The following FAM222B variants were observed in gnomAD, a reference collection of about 807,000 sequenced individuals.
FAM222B encodes protein FAM222B.
A neutral mutation model predicts 38.0 loss-of-function variants in FAM222B; 12 were observed. The ratio of observed to expected loss-of-function variants is 0.32; its 90% CI spans 0.20 to 0.51. The LOEUF (loss-of-function observed/expected upper bound fraction) is 0.51, where lower values mean the gene tolerates loss of function less well. Among genes scored for constraint, FAM222B ranks in the 20% least tolerant of loss-of-function variants. FAM222B has a pLI of 0.97. For missense variants in FAM222B, 716 were observed against 754.2 expected (o/e 0.95, Z 0.59); for synonymous variants, 329 against 317.2 (o/e 1.04, Z -0.40).
chr17:28,778,059 A>C (rs2035974845), intron 1 of FAM222B, among the ~76,000 whole-genome samples: 1 of 146,312 alleles, frequency 6.8e-6, no homozygotes, highest in Non-Finnish European at 1.5e-5. Flanking sequence ...CACTGTATTG[A>C]AAAGTATTAT....
At chr17:28,809,728 C>G (rs371649531) in intron 1 of FAM222B, among the ~76,000 whole-genome samples, 1 of 152,126 alleles carries the variant, frequency 6.6e-6, no homozygotes, top group East Asian at 1.9e-4. Context: ...TTAATCCCAA[C>G]ACTTTGGGAG....
chr17:28,818,179 A>C (rs976572860), intron 1 of FAM222B, among the ~76,000 whole-genome samples: 1 of 151,836 alleles, frequency 6.6e-6, no homozygotes, highest in East Asian at 1.9e-4. Context: ...ATAGTGAGCT[A>C]TGATCGTGCC....
At chr17:28,807,120 A>T (rs2151915223) in intron 1 of FAM222B, among the ~76,000 whole-genome samples, 1 of 151,458 alleles carries the variant, frequency 6.6e-6, no homozygotes, top group South Asian at 2.1e-4. Flanking sequence ...GGTTCAAGCG[A>T]TTCTCCTGCC....
intron 1 of FAM222B, among the ~76,000 whole-genome samples, chr17:28,852,058 A>AT (rs1015064950): frequency 6.6e-6 from 1 of 150,904 alleles, no homozygotes; most frequent in Non-Finnish European, 1.5e-5. Flanking sequence ...GCTCAAAAAA[A>AT]TTTTTTTTTA....
At chr17:28,825,053 T>A (rs1160259365) in intron 1 of FAM222B, among the ~76,000 whole-genome samples, 3 of 151,546 alleles carry the variant, frequency 2.0e-5, no homozygotes, top group Non-Finnish European at 4.4e-5. Context: ...CGTGAACCAC[T>A]GTGCCCGCAC....
At chr17:28,773,201 T>C (rs1240191203) in intron 1 of FAM222B, among the ~76,000 whole-genome samples, 2 of 151,562 alleles carry the variant, frequency 1.3e-5, no homozygotes, top group African/African-American at 4.9e-5. Context: ...CCAGGGCAGG[T>C]GCGGTGGCTC....
At chr17:28,785,911 T>C (rs1403505086) in intron 1 of FAM222B, among the ~76,000 whole-genome samples, 5 of 152,186 alleles carry the variant, frequency 3.3e-5, no homozygotes, top group South Asian at 2.1e-4. Flanking sequence ...GGTTTCACCA[T>C]GTTAGCCAGG....
Position 28,757,329 on chromosome 17 carries a change from T to TA in FAM222B, c.*940dup, listed in dbSNP as rs1253869710. ...ATACAGAAACGTAACGTTTAAAACT[T>TA]ACAGTGTAGAGCAATATTCTTAGCC... On this transcript the variant is annotated 3_prime_UTR_variant, in exon 3 of 3. Coordinates refer to ENST00000581407, the MANE Select transcript of FAM222B (RefSeq NM_001077498.3). 1.3e-5 allele frequency: 2 copies of TA among 152,472 alleles called. No homozygotes were observed. The highest frequency in any genetic ancestry group is 4.8e-5 in the African/African-American group (2 of 41,384). 9.4% of individuals were successfully genotyped at this position (152,472 alleles called of 1,614,324 possible). A position where few individuals can be genotyped will look rare whatever the true frequency, so the allele number is the denominator to read the frequency against.
intron 1 of FAM222B, among the ~76,000 whole-genome samples, chr17:28,798,773 A>G (rs1193881999): frequency 6.8e-6 from 1 of 147,358 alleles, no homozygotes; most frequent in African/African-American, 2.5e-5. Flanking sequence ...TAGCGCCACT[A>G]TGCCCGGCTA....
chr17:28,847,312 G>T (rs1171588157), upstream of FAM222B, among the ~76,000 whole-genome samples: 2 of 151,976 alleles, frequency 1.3e-5, no homozygotes, highest in Non-Finnish European at 2.9e-5. Flanking sequence ...ATAGTGTAGT[G>T]GGCCGTGCGT....
At chr17:28,812,345 G>A (rs1270196559) in intron 1 of FAM222B, 1 of 152,316 alleles carries the variant, frequency 6.6e-6, no homozygotes, top group African/African-American at 2.4e-5. Context: ...TAGCGGTCTA[G>A]GCAGGGGGAG....
intron 1 of FAM222B, among the ~76,000 whole-genome samples, chr17:28,804,430 G>T (rs1020919448): frequency 3.3e-5 from 5 of 152,030 alleles, no homozygotes; most frequent in Admixed American, 6.5e-5. Context: ...CACCTCTCGG[G>T]TTCAAGCGAT....
chr17:28,793,923 A>G (rs1283689754), intron 1 of FAM222B, among the ~76,000 whole-genome samples: 1 of 151,368 alleles, frequency 6.6e-6, no homozygotes, highest in Non-Finnish European at 1.5e-5. Flanking sequence ...TTTTTTTTGC[A>G]TTTTTAGTAG....
chr17:28,840,392 A>G (rs1186358322), intron 1 of FAM222B, among the ~76,000 whole-genome samples: 1 of 151,702 alleles, frequency 6.6e-6, no homozygotes, highest in Non-Finnish European at 1.5e-5. Flanking sequence ...AAAAGAACCC[A>G]TTTTCTCTTT....
chr17:28,820,096 G>A (rs1227324727), intron 1 of FAM222B, among the ~76,000 whole-genome samples: 1 of 152,162 alleles, frequency 6.6e-6, no homozygotes, highest in East Asian at 1.9e-4. Context: ...GCAACACACA[G>A]GTCCCTATAC....
In FAM222B at chr17:28,758,980, T is replaced by C. The variant is rs199717133; in HGVS notation, c.979A>G (p.Met327Val). 2.3e-3 allele frequency: 3,754 copies of C among 1,612,018 alleles called. 6 individuals are homozygous for C. The highest frequency in any genetic ancestry group is 8.3e-3 in the Middle Eastern group (50 of 6,060). ...TPMPSCVVNP[M>V]EHTHAATAAL... ...GCGGTGGCCGCGTGGGTGTGCTCCATGGGATTGACCACACATGAAGGCATT... is the reference window on the plus strand; with the variant it reads ...GCGGTGGCCGCGTGGGTGTGCTCCACGGGATTGACCACACATGAAGGCATT... The change falls in exon 3 of 3, where the codon ATG (methionine) becomes GTG (valine). Residue 327 changes from methionine (M) to valine (V), a missense_variant. Met to Val is a conservative substitution (Grantham distance 21). Coordinates refer to ENST00000581407, the MANE Select transcript of FAM222B (RefSeq NM_001077498.3).
chr17:28,758,580 G>A lies in FAM222B; in HGVS notation c.1379C>T (p.Thr460Ile). Residue 460 changes from threonine (T) to isoleucine (I), a missense_variant, in exon 3 of 3, where the codon ACT (threonine) becomes ATT (isoleucine). Coordinates refer to ENST00000581407, the MANE Select transcript of FAM222B (RefSeq NM_001077498.3). ...FQPLWNNILP[T>I]PNSDSSGSQD... Reference sequence around the variant, plus strand: ...AGACCCCGAGCTGTCGCTATTGGGAGTGGGCAGAATGTTGTTCCACAGGGG... The same window carrying A: ...AGACCCCGAGCTGTCGCTATTGGGAATGGGCAGAATGTTGTTCCACAGGGG... The A allele has an allele frequency of 1.2e-6, 2 of 1,610,524 alleles. No individual in the cohort carries two copies. The highest frequency in any genetic ancestry group is 2.2e-5 in the East Asian group (1 of 44,876).
intron 1 of FAM222B, among the ~76,000 whole-genome samples, chr17:28,798,506 G>C (rs1597951973): frequency 6.6e-6 from 1 of 152,078 alleles, no homozygotes; most frequent in Non-Finnish European, 1.5e-5. Flanking sequence ...GTTTCTCCAT[G>C]GTTTACCTGT....
At chr17:28,846,157 C>T (rs368752264), upstream of FAM222B, among the ~76,000 whole-genome samples, 24 of 143,988 alleles carry the variant, frequency 1.7e-4, no homozygotes, top group African/African-American at 6.2e-4. Flanking sequence ...GAGCCGAGAC[C>T]ATGCCACTGC....
Sources: allele counts gnomAD v4.1 joint callset (sites outside exome capture counted in the v4.1 genomes callset), GRCh38; gene constraint gnomAD v4.1.1; transcripts MANE v1.5; gene names NCBI Gene and HGNC (gene_info 2026-07-23, HGNC 2026-07-21).